Variants in PRKD1 observed in about 807,000 individuals in gnomAD.
PRKD1 encodes the protein protein kinase D1.
A neutral mutation model predicts 95.9 loss-of-function variants in PRKD1; 63 were observed. The observed-to-expected ratio is 0.66, with a 90% CI of 0.54 to 0.81. PRKD1 has a LOEUF of 0.81. Among genes scored for constraint, PRKD1 ranks in the 30% least tolerant of loss-of-function variants. PRKD1 has a pLI of 0.00. For synonymous variants in PRKD1, 425 were observed against 423.1 expected (o/e 1.00, Z -0.05); for missense variants, 1,048 against 1,165.3 (o/e 0.90, Z 1.47).
At chr14:29,688,602 G>C (rs1350066357) in intron 2 of PRKD1, among the ~76,000 whole-genome samples, 1 of 152,008 alleles carries the variant, frequency 6.6e-6, no homozygotes, top group Non-Finnish European at 1.5e-5. Flanking sequence ...CTTAAACTTT[G>C]AGAGGTCTAA....
chr14:29,578,145 C>T (rs949223203), intron 17 of PRKD1, 130 bp downstream of exon 17: 17 of 713,690 alleles, frequency 2.4e-5, no homozygotes, highest in Middle Eastern at 7.4e-4. Context: ...AAGTTGCATG[C>T]ATTTGAGCAA....
At chr14:29,922,137 T>TA (rs1895137019) in intron 1 of PRKD1, among the ~76,000 whole-genome samples, 1 of 151,592 alleles carries the variant, frequency 6.6e-6, no homozygotes, top group African/African-American at 2.4e-5. Context: ...CCATCTCTAC[T>TA]AAAAATACAA....
chr14:29,596,638 A>G (rs1893316718), intron 16 of PRKD1, among the ~76,000 whole-genome samples: 1 of 152,186 alleles, frequency 6.6e-6, no homozygotes, highest in African/African-American at 2.4e-5. Flanking sequence ...ATTTTTTAGT[A>G]GAGATGGGGT....
chr14:29,708,035 C>T (rs548701623), intron 2 of PRKD1, among the ~76,000 whole-genome samples: 24 of 152,274 alleles, frequency 1.6e-4, no homozygotes, highest in African/African-American at 5.5e-4. Context: ...TGGAGGCTCA[C>T]CTTTTATCTA....
intron 13 of PRKD1, among the ~76,000 whole-genome samples, chr14:29,600,327 A>G (rs187938314): frequency 1.1e-4 from 17 of 152,230 alleles, no homozygotes; most frequent in Non-Finnish European, 1.9e-4. Flanking sequence ...AAACTCTTAT[A>G]CTAAGTGAAG....
chr14:29,842,726 C>A (rs1891904267), intron 1 of PRKD1, among the ~76,000 whole-genome samples: 1 of 152,166 alleles, frequency 6.6e-6, no homozygotes, highest in Admixed American at 6.5e-5. Context: ...AATTGTCCAT[C>A]AGTTGACACA....
chr14:29,713,207 T>C (rs1202327893), intron 2 of PRKD1, among the ~76,000 whole-genome samples: 4 of 152,152 alleles, frequency 2.6e-5, no homozygotes, highest in Non-Finnish European at 4.4e-5. Flanking sequence ...TCAAAGGGCA[T>C]TCCAATATGA....
intron 1 of PRKD1, among the ~76,000 whole-genome samples, chr14:29,818,875 T>C (rs114007679): frequency 2.0e-5 from 3 of 152,262 alleles, no homozygotes; most frequent in African/African-American, 4.8e-5. Context: ...CTTTAATGTA[T>C]ATAGTAGATA....
At chr14:29,608,418 A>T (rs891419688) in intron 13 of PRKD1, among the ~76,000 whole-genome samples, 1 of 152,176 alleles carries the variant, frequency 6.6e-6, no homozygotes, top group Non-Finnish European at 1.5e-5. Flanking sequence ...TTAACATAAA[A>T]GTCTTTTATT....
At chr14:29,808,425 G>GTTTTTTTTT (rs905394624) in intron 1 of PRKD1, among the ~76,000 whole-genome samples, 1 of 56,686 alleles carries the variant, frequency 1.8e-5, no homozygotes, top group Non-Finnish European at 3.3e-5. Flanking sequence ...TGAGATGGGA[G>GTTTTTTTTT]TTTTGCTCTT....
chr14:29,827,382 G>A (rs1188308579), intron 1 of PRKD1, among the ~76,000 whole-genome samples: 1 of 152,038 alleles, frequency 6.6e-6, no homozygotes, highest in African/African-American at 2.4e-5. Flanking sequence ...GGGAGTTATG[G>A]TTAGATGGCA....
At chr14:29,704,929 T>A (rs1193403827) in intron 2 of PRKD1, among the ~76,000 whole-genome samples, 3 of 152,122 alleles carry the variant, frequency 2.0e-5, no homozygotes, top group Non-Finnish European at 1.5e-5. Context: ...ATTCGGTCCA[T>A]GTGATATTTG....
chr14:29,803,366 T>C (rs1890110733), intron 1 of PRKD1, among the ~76,000 whole-genome samples: 1 of 152,242 alleles, frequency 6.6e-6, no homozygotes, highest in African/African-American at 2.4e-5. Context: ...GGAATTTTAA[T>C]TGACCAGATT....
chr14:29,734,128 C>T (rs545284592), intron 1 of PRKD1, among the ~76,000 whole-genome samples: 12 of 141,098 alleles, frequency 8.5e-5, no homozygotes, highest in South Asian at 2.4e-4. Context: ...CTGCAACCTC[C>T]GCCTCCCAGG....
chr14:29,743,831 T>C (rs917180647), intron 1 of PRKD1, among the ~76,000 whole-genome samples: 2 of 152,238 alleles, frequency 1.3e-5, no homozygotes, highest in Admixed American at 1.3e-4. Context: ...TTCAGCAGCA[T>C]GTGACCCAGT....
intron 2 of PRKD1, among the ~76,000 whole-genome samples, chr14:29,696,781 C>T (rs1453989799): frequency 1.3e-5 from 2 of 152,058 alleles, no homozygotes; most frequent in Non-Finnish European, 2.9e-5. Flanking sequence ...ATTTCCTAGA[C>T]ATTCAGTTTC....
intron 1 of PRKD1, among the ~76,000 whole-genome samples, chr14:29,726,447 T>C (rs1886146833): frequency 6.6e-6 from 1 of 152,166 alleles, no homozygotes; most frequent in South Asian, 2.1e-4. Context: ...TAAATTGACA[T>C]TTGTAATGTA....
intron 1 of PRKD1, among the ~76,000 whole-genome samples, chr14:29,925,919 T>C (rs1451656258): frequency 6.6e-6 from 1 of 152,170 alleles, no homozygotes; most frequent in Non-Finnish European, 1.5e-5. Context: ...TGACCCACAA[T>C]AGACATTCCA....
chr14:29,617,945 C>T (rs1878979421), intron 13 of PRKD1, among the ~76,000 whole-genome samples: 1 of 151,886 alleles, frequency 6.6e-6, no homozygotes, highest in South Asian at 2.1e-4. Flanking sequence ...GTGGGGCATG[C>T]CTGTAGTTCC....
Sources: gnomAD v4.1 joint callset for allele counts (sites outside exome capture counted in the v4.1 genomes callset) on GRCh38, gnomAD v4.1.1 for gene constraint, MANE v1.5 for transcripts, NCBI Gene and HGNC (gene_info 2026-07-23, HGNC 2026-07-21) for gene names.